THSD7B: variants seen among roughly 807,000 people sequenced by gnomAD.
The protein encoded by THSD7B is thrombospondin type-1 domain-containing protein 7B.
THSD7B carries 138 observed loss-of-function variants against 213.6 expected under a neutral mutation model. The observed-to-expected ratio is 0.65, with a 90% CI of 0.56 to 0.74. The LOEUF is 0.74. THSD7B is among the 30% of genes least tolerant of loss of function. The pLI, the probability that THSD7B is intolerant of heterozygous loss-of-function variation, is 0.00. For synonymous variants in THSD7B, 742 were observed against 687.0 expected, an observed-to-expected ratio of 1.08 and a Z score of -1.25; for missense variants, 1,931 against 1,991.5, an observed-to-expected ratio of 0.97 and a Z score of 0.58.
chr2:136,847,868 G>A (rs562558813), intron 1 of THSD7B, among the ~76,000 whole-genome samples: 1 of 152,214 alleles, frequency 6.6e-6, no homozygotes, highest in Admixed American at 6.5e-5. Flanking sequence ...AGAAGCACAG[G>A]GTGTGGAATT....
At chr2:137,031,116 G>T (rs1376319121) in intron 2 of THSD7B, among the ~76,000 whole-genome samples, 1 of 152,126 alleles carries the variant, frequency 6.6e-6, no homozygotes, top group African/African-American at 2.4e-5. Flanking sequence ...GGCCAAGGTG[G>T]GTGGATCACT....
chr2:137,517,204 G>T (rs527521212), intron 15 of THSD7B, among the ~76,000 whole-genome samples: 1 of 152,334 alleles, frequency 6.6e-6, no homozygotes, highest in South Asian at 2.1e-4. Flanking sequence ...TAGCTCAGGG[G>T]TATATCAACT....
chr2:137,619,482 A>G (rs550673340), intron 19 of THSD7B, among the ~76,000 whole-genome samples: 12 of 152,344 alleles, frequency 7.9e-5, no homozygotes, highest in African/African-American at 2.6e-4. Flanking sequence ...CATTTGGTCA[A>G]ATTCTGAAAC....
chr2:136,879,043 G>A (rs1683572265), intron 1 of THSD7B, among the ~76,000 whole-genome samples: 1 of 152,126 alleles, frequency 6.6e-6, no homozygotes, highest in Non-Finnish European at 1.5e-5. Context: ...GGTTTTTATG[G>A]TTTTAGGTCT....
intron 1 of THSD7B, among the ~76,000 whole-genome samples, chr2:136,845,956 A>G (rs1683002488): frequency 1.3e-5 from 2 of 152,268 alleles, no homozygotes; most frequent in Admixed American, 1.3e-4. Context: ...GTGACTGGCC[A>G]TGGTGTGGAT....
intron 14 of THSD7B, among the ~76,000 whole-genome samples, chr2:137,438,884 A>T (rs1277044406): frequency 1.3e-5 from 2 of 152,114 alleles, no homozygotes; most frequent in African/African-American, 4.8e-5. Flanking sequence ...TTGAGATGAG[A>T]TCATCCTCGG....
intron 1 of THSD7B, among the ~76,000 whole-genome samples, chr2:136,772,683 T>C (rs17718279): frequency 0.047 from 7,104 of 152,180 alleles, 239 homozygotes; most frequent in South Asian, 0.12. Flanking sequence ...TGTGATTTGG[T>C]GAGGTGAGTG....
At chr2:137,161,507 T>C (rs763622455) in intron 6 of THSD7B, among the ~76,000 whole-genome samples, 1 of 152,194 alleles carries the variant, frequency 6.6e-6, no homozygotes, top group African/African-American at 2.4e-5. Flanking sequence ...TATACACACA[T>C]GTGCACACCC....
chr2:137,097,808 A>ACACC (rs573904266), intron 4 of THSD7B, among the ~76,000 whole-genome samples: 1 of 148,854 alleles, frequency 6.7e-6, no homozygotes, highest in East Asian at 2.0e-4. Flanking sequence ...ACACACACAC[A>ACACC]CCTTTAAAAC....
intron 2 of THSD7B, among the ~76,000 whole-genome samples, chr2:136,902,304 G>A (rs1044763535): frequency 1.3e-5 from 2 of 152,196 alleles, no homozygotes; most frequent in South Asian, 4.1e-4. Flanking sequence ...GGAGATTAGC[G>A]AAAAGTACAA....
At chr2:137,124,364 C>T (rs1475045513) in intron 5 of THSD7B, among the ~76,000 whole-genome samples, 1 of 152,158 alleles carries the variant, frequency 6.6e-6, no homozygotes, top group Admixed American at 6.5e-5. Context: ...CCACTTACTG[C>T]CCAACTCTTC....
chr2:137,617,792 G>C (rs1010756786), intron 18 of THSD7B, among the ~76,000 whole-genome samples: 10 of 151,912 alleles, frequency 6.6e-5, no homozygotes, highest in African/African-American at 2.4e-4. Context: ...TGGTGAGGAG[G>C]GCCTGTATCT....
At chr2:137,149,167 A>G (rs1346139610) in intron 5 of THSD7B, among the ~76,000 whole-genome samples, 1 of 152,220 alleles carries the variant, frequency 6.6e-6, no homozygotes, top group Non-Finnish European at 1.5e-5. Flanking sequence ...GGAAGCTCCA[A>G]GCCTTGGTGT....
intron 15 of THSD7B, among the ~76,000 whole-genome samples, chr2:137,493,122 CAAAAAA>C (rs376770053): frequency 9.0e-5 from 4 of 44,204 alleles, no homozygotes; most frequent in Non-Finnish European, 1.1e-4. Flanking sequence ...CTCTCTCTCT[CAAAAAA>C]AAAAAAAAAA....
At chr2:137,151,497 A>G (rs900921269) in intron 5 of THSD7B, among the ~76,000 whole-genome samples, 3 of 149,118 alleles carry the variant, frequency 2.0e-5, no homozygotes, top group Non-Finnish European at 4.4e-5. Context: ...TCTGTTAACA[A>G]TGCACATGTA....
intron 2 of THSD7B, among the ~76,000 whole-genome samples, chr2:136,940,690 C>T (rs1229066600): frequency 2.7e-5 from 4 of 148,370 alleles, no homozygotes; most frequent in Non-Finnish European, 5.9e-5. Flanking sequence ...CCGTGTCTGG[C>T]TGAGACATAC....
chr2:137,005,564 A>T (rs1194450443), intron 2 of THSD7B, among the ~76,000 whole-genome samples: 2 of 152,196 alleles, frequency 1.3e-5, no homozygotes, highest in Non-Finnish European at 2.9e-5. Context: ...GTAATTGTAT[A>T]CCTGTATTGT....
At chr2:137,281,608 G>A (rs1473790029) in intron 12 of THSD7B, among the ~76,000 whole-genome samples, 1 of 139,394 alleles carries the variant, frequency 7.2e-6, no homozygotes, top group Non-Finnish European at 1.5e-5. Context: ...TTGTGTCCAT[G>A]TGTTCTCATT....
rs187629157 is a variant in THSD7B, at chr2:136,982,170, G to T, written c.140-74250G>T. On this transcript the variant is annotated intron_variant, in intron 2 of 27. Coordinates refer to ENST00000409968, the MANE Select transcript of THSD7B (RefSeq NM_001316349.2). The stretch of plus-strand genomic sequence containing the variant: ...CCCACCTCAGCCTCCCAAAGTGCTG[G>T]GATTATAGGTGTGAGACACCACACC... 1.2e-3 allele frequency among the ~76,000 whole-genome samples: 178 copies of T among 152,094 alleles called. 2 individuals carry two copies. The highest frequency in any genetic ancestry group is 3.7e-3 in the African/African-American group (153 of 41,462).
Sources: gnomAD v4.1 joint callset for allele counts (sites outside exome capture counted in the v4.1 genomes callset) on GRCh38, gnomAD v4.1.1 for gene constraint, MANE v1.5 for transcripts, NCBI Gene and HGNC (gene_info 2026-07-23, HGNC 2026-07-21) for gene names.